The following HDAC1 variants were observed in gnomAD, a reference collection of about 807,000 sequenced individuals.
HDAC1 encodes the protein histone deacetylase 1.
In HDAC1, 18 loss-of-function variants were observed where a neutral mutation model predicts 65.5. That is an observed-to-expected ratio of 0.27 (90% CI 0.19 to 0.41). HDAC1 has a LOEUF of 0.41. Among genes scored for constraint, HDAC1 ranks in the 10% least tolerant of loss-of-function variants. The pLI, the probability that HDAC1 is intolerant of heterozygous loss-of-function variation, is 1.00. For missense variants in HDAC1, 373 were observed against 625.2 expected (o/e 0.60, Z 4.30); for synonymous variants, 211 against 227.9 (o/e 0.93, Z 0.67).
At chr1:32,308,470 G>T (rs896663094) in intron 2 of HDAC1, among the ~76,000 whole-genome samples, 5 of 152,170 alleles carry the variant, frequency 3.3e-5, no homozygotes, top group African/African-American at 1.2e-4. Flanking sequence ...AATACTCCAA[G>T]TGAGATTTAA....
At chr1:32,314,028 A>T (rs1641025286) in intron 2 of HDAC1, among the ~76,000 whole-genome samples, 1 of 152,244 alleles carries the variant, frequency 6.6e-6, no homozygotes. Context: ...TGTGATACAG[A>T]AACACTCAGC....
At chr1:32,308,905 T>G (rs1640948435) in intron 2 of HDAC1, among the ~76,000 whole-genome samples, 1 of 152,200 alleles carries the variant, frequency 6.6e-6, no homozygotes, top group Non-Finnish European at 1.5e-5. Flanking sequence ...CTCACCCTCC[T>G]GGGCTCAAGT....
At chr1:32,297,408 G>T (rs7544100) in intron 1 of HDAC1, among the ~76,000 whole-genome samples, 6,323 of 152,118 alleles carry the variant, frequency 0.042, 432 homozygotes, top group African/African-American at 0.14. Flanking sequence ...AATAAGCTGG[G>T]TGTGGTGGCA....
chr1:32,303,096 C>T (rs1221295362), intron 2 of HDAC1, among the ~76,000 whole-genome samples: 2 of 152,070 alleles, frequency 1.3e-5, no homozygotes, highest in Non-Finnish European at 2.9e-5. Flanking sequence ...CTGCTAGAGC[C>T]TGGGAGGTCG....
intron 2 of HDAC1, among the ~76,000 whole-genome samples, chr1:32,310,634 G>A (rs1640977354): frequency 6.6e-6 from 1 of 152,144 alleles, no homozygotes. Flanking sequence ...TGGATCACCT[G>A]AGGTCAGCAG....
Position 32,331,616 on chromosome 1 carries a change from C to T in HDAC1, c.1088+34C>T. 1 of 1,612,728 alleles carries T rather than the reference C, an allele frequency of 6.2e-7. No homozygotes were observed. On this transcript the variant is annotated intron_variant, in intron 10 of 13. Coordinates refer to ENST00000373548, the MANE Select transcript of HDAC1 (RefSeq NM_004964.3). The surrounding 1 kb of genome is among the most constrained non-coding windows in gnomAD (Gnocchi z 4.2). ...ATCCTCCAGCCACCCCTTGGTTGAA[C>T]ATTCCTGACTTTGGTTTGTCCCTGA...
In HDAC1 at chr1:32,292,236, G is replaced by T; in HGVS notation, c.49+18G>T. 6.5e-6 allele frequency: 10 copies of T among 1,547,958 alleles called. No individual in the cohort carries two copies. The highest frequency in any genetic ancestry group is 8.7e-6 in the Non-Finnish European group (10 of 1,146,162). ...CTACGACGGTGAGCACCGTCCTCGC[G>T]GCGGGGGCGGGGCCAGGCCGGGCCG... is the stretch of plus-strand genomic sequence containing the variant. On this transcript the variant is annotated intron_variant, in intron 1 of 13. Coordinates refer to ENST00000373548, the MANE Select transcript of HDAC1 (RefSeq NM_004964.3).
chr1:32,303,332 C>T (rs1390205167), intron 2 of HDAC1, among the ~76,000 whole-genome samples: 1 of 152,136 alleles, frequency 6.6e-6, no homozygotes, highest in Non-Finnish European at 1.5e-5. Flanking sequence ...TGGCACATGC[C>T]TGTAGTCCCG....
At position 32,302,656 on chromosome 1, in the gene HDAC1, C is replaced by A; in HGVS notation, c.85C>A (p.Pro29Thr). ...VGNYYYGQGHPMKPHRIRMTH... is the reference protein window; with the variant it reads ...VGNYYYGQGHTMKPHRIRMTH... The stretch of plus-strand genomic sequence containing the variant: ...AAATTACTATTATGGACAAGGCCAC[C>A]CAATGAAGCCTCACCGAATCCGCAT... Residue 29 changes from proline to threonine, a missense_variant, in exon 2 of 14, where the codon CCA (proline) becomes ACA (threonine). Around this residue, in one of 4 missense-constraint regions of HDAC1, gnomAD observed 80 missense variants for 126.3 expected, o/e 0.63. Transcript: ENST00000373548. 6.2e-7 allele frequency: 1 copy of A among 1,603,254 alleles called. No individual in the cohort carries two copies. The highest frequency in any genetic ancestry group is 8.5e-7 in the Non-Finnish European group (1 of 1,170,120).
At chr1:32,305,123 A>G (rs115967746) in intron 2 of HDAC1, among the ~76,000 whole-genome samples, 1 of 152,306 alleles carries the variant, frequency 6.6e-6, no homozygotes, top group Non-Finnish European at 1.5e-5. Flanking sequence ...TACAGTATTT[A>G]TTATGTGACT....
intron 2 of HDAC1, among the ~76,000 whole-genome samples, chr1:32,310,019 CA>C (rs1195227216): frequency 7.9e-5 from 12 of 152,272 alleles, no homozygotes; most frequent in African/African-American, 2.9e-4. Flanking sequence ...TTCAGTCTCT[CA>C]AACATGTTTT....
At position 32,327,685 on chromosome 1, in the gene HDAC1, C is replaced by A; in HGVS notation, c.636+8C>A. The A allele has an allele frequency of 6.2e-7, 1 of 1,613,828 alleles. No homozygotes were observed. Among genetic ancestry groups the A allele is most frequent in the Non-Finnish European group, 8.5e-7 (1 of 1,179,712 alleles). On this transcript the variant is annotated splice_region_variant and intron_variant, in intron 6 of 13. Transcript: ENST00000373548. The surrounding 1 kb of genome is among the most constrained non-coding windows in gnomAD (Gnocchi z 6.0). ...GGAACTGGGGACCTACGGGTGAGAA[C>A]GCCCTTTAGGAGCCAACCGGCTTAC...
At chr1:32,300,942 G>A (rs978747129) in intron 1 of HDAC1, among the ~76,000 whole-genome samples, 2 of 152,254 alleles carry the variant, frequency 1.3e-5, no homozygotes, top group South Asian at 2.1e-4. Flanking sequence ...AACTGTAAAC[G>A]GATGGGCATG....
chr1:32,311,958 TA>T (rs977968310), intron 2 of HDAC1, among the ~76,000 whole-genome samples: 3 of 152,116 alleles, frequency 2.0e-5, no homozygotes, highest in Non-Finnish European at 4.4e-5. Context: ...CTTAGTATAG[TA>T]AAAAAACAAC....
At chr1:32,310,282 G>C (rs1418926891) in intron 2 of HDAC1, among the ~76,000 whole-genome samples, 1 of 152,198 alleles carries the variant, frequency 6.6e-6, no homozygotes, top group Non-Finnish European at 1.5e-5. Flanking sequence ...ATTTAGGTGA[G>C]TGTAAGGGGG....
At chr1:32,294,606 C>T (rs549729968) in intron 1 of HDAC1, among the ~76,000 whole-genome samples, 53 of 151,596 alleles carry the variant, frequency 3.5e-4, no homozygotes, top group African/African-American at 1.2e-3. Flanking sequence ...GCTCCACCTC[C>T]CGGGTCCATG....
At chr1:32,315,313 G>A (rs143550699) in intron 2 of HDAC1, among the ~76,000 whole-genome samples, 88 of 151,738 alleles carry the variant, frequency 5.8e-4, no homozygotes, top group African/African-American at 2.0e-3. Flanking sequence ...GAGCCATTTT[G>A]TCCATAATTT....
At chr1:32,296,331 A>G (rs570638396) in intron 1 of HDAC1, among the ~76,000 whole-genome samples, 1 of 152,264 alleles carries the variant, frequency 6.6e-6, no homozygotes, top group East Asian at 1.9e-4. Context: ...GGTAGATTGC[A>G]GTACATGGAT....
chr1:32,308,877 A>G (rs1467387587), intron 2 of HDAC1, among the ~76,000 whole-genome samples: 3 of 152,088 alleles, frequency 2.0e-5, no homozygotes, highest in African/African-American at 7.2e-5. Context: ...CAGTGATGTG[A>G]TCACATCTCA....
Sources: gnomAD v4.1 joint callset for allele counts (sites outside exome capture counted in the v4.1 genomes callset) on GRCh38, gnomAD v4.1.1 for gene constraint, gnomAD v4.1.1 regional missense constraint, Gnocchi (gnomAD v3.1) non-coding constraint, MANE v1.5 for transcripts, NCBI Gene and HGNC (gene_info 2026-07-23, HGNC 2026-07-21) for gene names.